The following FAM120B variants were observed in gnomAD, a reference collection of about 807,000 sequenced individuals.
FAM120B encodes constitutive coactivator of peroxisome proliferator-activated receptor gamma.
FAM120B carries 83 observed loss-of-function variants against 96.3 expected under a neutral mutation model. That is an observed-to-expected ratio of 0.86 (90% confidence interval 0.72 to 1.03). The LOEUF (loss-of-function observed/expected upper bound fraction) is 1.03, where lower values mean the gene tolerates loss of function less well. FAM120B is among the 50% of genes least tolerant of loss of function. FAM120B has a pLI of 0.00. For missense variants in FAM120B, 1,027 were observed against 1,121.2 expected (o/e 0.92, Z 1.20); for synonymous variants, 407 against 402.7 (o/e 1.01, Z -0.13).
intron 1 of FAM120B, among the ~76,000 whole-genome samples, chr6:170,300,399 C>T (rs890042392): frequency 7.9e-5 from 12 of 152,312 alleles, no homozygotes; most frequent in South Asian, 6.2e-4. Flanking sequence ...CTTCCTCCCA[C>T]GACATGTGGG....
chr6:170,331,203 G>A (rs1786012329), intron 4 of FAM120B, among the ~76,000 whole-genome samples: 1 of 152,142 alleles, frequency 6.6e-6, no homozygotes, highest in Admixed American at 6.5e-5. Flanking sequence ...TCAGGGTAGG[G>A]TTCTACACAC....
chr6:170,358,299 C>G lies in FAM120B; in HGVS notation c.2264C>G (p.Ser755Trp). ...QALCLQGKST[S>W]QLVNLQPDYI... The stretch of plus-strand genomic sequence containing the variant: ...TTGTGCCTCCAAGGAAAATCCACCT[C>G]GCAGCTTGTAAATCTACAGGTACAG... Residue 755 changes from serine (S) to tryptophan (W), a missense_variant, in exon 6 of 11, where the codon TCG becomes TGG. By Grantham distance (177) the Ser-to-Trp change is radical. This residue lies in a region of FAM120B where 880 missense variants were observed against 980.9 expected (regional missense o/e 0.90). Coordinates refer to ENST00000476287, the MANE Select transcript of FAM120B (RefSeq NM_032448.3). 6.2e-7 allele frequency: 1 copy of G among 1,605,592 alleles called. No homozygotes were observed. The highest frequency in any genetic ancestry group is 8.5e-7 in the Non-Finnish European group (1 of 1,174,410).
At chr6:170,382,325 G>A (rs1789955271) in intron 6 of FAM120B, among the ~76,000 whole-genome samples, 1 of 152,144 alleles carries the variant, frequency 6.6e-6, no homozygotes, top group South Asian at 2.1e-4. Flanking sequence ...GATTGTTTGA[G>A]CCAGAGAGGT....
chr6:170,307,116 A>T (rs1260637157), intron 1 of FAM120B, among the ~76,000 whole-genome samples: 2 of 152,184 alleles, frequency 1.3e-5, no homozygotes, highest in African/African-American at 4.8e-5. Flanking sequence ...CGACCTCGCG[A>T]CCGTCGCCTT....
At chr6:170,320,700 A>G (rs1233042511) in intron 2 of FAM120B, among the ~76,000 whole-genome samples, 1 of 152,234 alleles carries the variant, frequency 6.6e-6, no homozygotes, top group Admixed American at 6.5e-5. Flanking sequence ...AAGTTCTATT[A>G]CTGGCAAGAG....
At chr6:170,297,924 C>G (rs1459343317) in intron 1 of FAM120B, 1 of 152,166 alleles carries the variant, frequency 6.6e-6, no homozygotes, top group Admixed American at 6.5e-5. Flanking sequence ...GTTATAAATA[C>G]CGGTCAATAG....
At chr6:170,305,722 G>A (rs899410461), upstream of FAM120B, among the ~76,000 whole-genome samples, 2 of 152,162 alleles carry the variant, frequency 1.3e-5, no homozygotes, top group Non-Finnish European at 2.9e-5. Flanking sequence ...TTGGTTTCAA[G>A]GTCGTCACTC....
chr6:170,369,156 A>T (rs908510566), intron 6 of FAM120B, among the ~76,000 whole-genome samples: 1 of 149,846 alleles, frequency 6.7e-6, no homozygotes, highest in African/African-American at 2.4e-5. Context: ...TGAACAAAGC[A>T]AAAGAAAGCA....
At chr6:170,302,591 C>T (rs906676905), upstream of FAM120B, among the ~76,000 whole-genome samples, 1 of 152,228 alleles carries the variant, frequency 6.6e-6, no homozygotes, top group African/African-American at 2.4e-5. Flanking sequence ...CCCTGCCATT[C>T]ATTTTCTGGG....
At chr6:170,313,940 G>C (rs1784747116) in intron 1 of FAM120B, among the ~76,000 whole-genome samples, 1 of 152,220 alleles carries the variant, frequency 6.6e-6, no homozygotes, top group Admixed American at 6.5e-5. Flanking sequence ...CCTGTGTCCA[G>C]AGTGACGCCA....
intron 6 of FAM120B, among the ~76,000 whole-genome samples, chr6:170,369,628 C>T (rs974090052): frequency 1.3e-5 from 2 of 151,870 alleles, no homozygotes; most frequent in African/African-American, 2.4e-5. Flanking sequence ...GGGCTGAACC[C>T]GCCACTGGAT....
intron 6 of FAM120B, among the ~76,000 whole-genome samples, chr6:170,361,227 TATATATATAC>T (rs1788410201): frequency 1.6e-5 from 2 of 122,660 alleles, no homozygotes; most frequent in African/African-American, 5.8e-5. Flanking sequence ...TATATATATA[TATATATATAC>T]ACGTATATAT....
intron 5 of FAM120B, among the ~76,000 whole-genome samples, chr6:170,357,583 A>G (rs188461511): frequency 1.3e-4 from 20 of 152,310 alleles, no homozygotes; most frequent in African/African-American, 4.3e-4. Flanking sequence ...GGTTTCCTCT[A>G]GGTTGCCAAA....
At chr6:170,359,138 C>T (rs1031443010) in intron 6 of FAM120B, among the ~76,000 whole-genome samples, 9 of 152,152 alleles carry the variant, frequency 5.9e-5, no homozygotes, top group Non-Finnish European at 1.0e-4. Context: ...CAGTGGCTCA[C>T]GCCTGTCATC....
Position 170,404,820 on chromosome 6 carries a change from CTCTGCTG to C in FAM120B, c.*71_*77del. The C allele has an allele frequency of 1.9e-6, 1 of 539,404 alleles. No individual in the cohort carries two copies. 33.4% of individuals were successfully genotyped at this position (539,404 alleles called of 1,614,324 possible). On this transcript the variant is annotated 3_prime_UTR_variant, in exon 11 of 11. Transcript: ENST00000476287. ...GACGCAGAGCCCTGCCAGCGCCCTC[CTCTGCTG>C]TTGCAGCTGCAAGGAGACCATGCCT...
At chr6:170,293,428 A>G (rs1783929351), upstream of FAM120B, among the ~76,000 whole-genome samples, 1 of 152,174 alleles carries the variant, frequency 6.6e-6, no homozygotes. Context: ...GGGGAAAAAG[A>G]CTTGCCCCAA....
rs1463822302 is a variant in FAM120B, at chr6:170,336,856, T to C, written c.2017+6306T>C. Among the ~76,000 whole-genome samples the C allele has an allele frequency of 2.0e-5, 3 of 152,322 alleles. No individual in the cohort carries two copies. In the East Asian group the frequency reaches 5.8e-4, roughly 29 times the overall value. The stretch of plus-strand genomic sequence containing the variant: ...CTTGTCTATTATTGGTGTATAGGAA[T>C]GCTTGTGATTTTTGCACATTGATTT... On this transcript the variant is annotated intron_variant, in intron 4 of 10. Transcript: ENST00000476287.
At chr6:170,354,884 G>A (rs376361281) in intron 5 of FAM120B, among the ~76,000 whole-genome samples, 11 of 152,278 alleles carry the variant, frequency 7.2e-5, no homozygotes, top group South Asian at 4.1e-4. Flanking sequence ...AGCCGAGATC[G>A]TGCCACTGCA....
chr6:170,293,868 G>C (rs972860994), upstream of FAM120B, among the ~76,000 whole-genome samples: 8 of 151,580 alleles, frequency 5.3e-5, no homozygotes, highest in African/African-American at 1.9e-4. Flanking sequence ...GCCTGTTGTA[G>C]TTTAACTCCT....
Sources: gnomAD v4.1 joint callset for allele counts (sites outside exome capture counted in the v4.1 genomes callset) on GRCh38, gnomAD v4.1.1 for gene constraint, gnomAD v4.1.1 regional missense constraint, MANE v1.5 for transcripts, NCBI Gene and HGNC (gene_info 2026-07-23, HGNC 2026-07-21) for gene names.